The following DHX37 variants were observed in gnomAD, a reference collection of about 807,000 sequenced individuals.
DHX37 encodes the protein DEAH-box helicase 37.
DHX37 carries 52 observed loss-of-function variants against 134.3 expected under a neutral mutation model. The observed-to-expected ratio is 0.39, with a 90% CI of 0.31 to 0.49. The LOEUF is 0.49. Ranked by LOEUF, DHX37 falls within the 20% of genes least tolerant of loss-of-function variation. The probability of loss-of-function intolerance (pLI) is 0.93; values close to 1 mark genes in which losing one functional copy is unlikely to be tolerated. For missense variants in DHX37, 1,344 were observed against 1,580.8 expected (o/e 0.85, Z 2.54); for synonymous variants, 634 against 670.7 (o/e 0.95, Z 0.85).
intron 18 of DHX37, among the ~76,000 whole-genome samples, chr12:124,954,818 A>G (rs1954059483): frequency 6.6e-6 from 1 of 152,218 alleles, no homozygotes; most frequent in African/African-American, 2.4e-5. Context: ...AACACTTAAC[A>G]TATGTGTCAG....
At chr12:124,968,393 C>T in intron 10 of DHX37, 141 bp downstream of exon 10, 1 of 1,399,582 alleles carries the variant, frequency 7.1e-7, no homozygotes. Flanking sequence ...CATGAACACT[C>T]TGGAATAAGT....
intron 18 of DHX37, among the ~76,000 whole-genome samples, chr12:124,955,476 G>A (rs1035266825): frequency 1.1e-4 from 17 of 152,190 alleles, no homozygotes; most frequent in African/African-American, 3.9e-4. Context: ...CACCATGCCC[G>A]CTTTTTGATT....
chr12:124,952,331 G>A, intron 21 of DHX37, 67 bp downstream of exon 21: 3 of 1,489,344 alleles, frequency 2.0e-6, no homozygotes, highest in Admixed American at 2.1e-5. Context: ...GACCCTGAGG[G>A]CCCAGCCCGC....
chr12:124,967,349 C>T, intron 10 of DHX37, 131 bp from the exon 11 acceptor site: 1 of 978,400 alleles, frequency 1.0e-6, no homozygotes, highest in Non-Finnish European at 1.5e-6. Flanking sequence ...AGTACACAGA[C>T]ATAGATGAGC....
At chr12:124,988,289 T>C (rs1954913770) in intron 1 of DHX37, among the ~76,000 whole-genome samples, 1 of 152,142 alleles carries the variant, frequency 6.6e-6, no homozygotes. Flanking sequence ...CACTCAGGTC[T>C]CCTTCAGATC....
At chr12:124,978,870 TG>T (rs1954699895) in intron 4 of DHX37, among the ~76,000 whole-genome samples, 1 of 151,306 alleles carries the variant, frequency 6.6e-6, no homozygotes, top group South Asian at 2.1e-4. Flanking sequence ...AGGTAGAGGC[TG>T]CAGTGAACTG....
Position 124,968,607 on chromosome 12 carries a change from C to T in DHX37, c.1335G>A (p.Lys445=). 6.2e-7 allele frequency: 1 copy of T among 1,614,156 alleles called. No individual in the cohort carries two copies. Among genetic ancestry groups the T allele is most frequent in the South Asian group, 1.1e-5 (1 of 91,088 alleles). Residue 445 remains lysine, a synonymous_variant, in exon 10 of 27, where the codon AAG becomes AAA. Coordinates refer to ENST00000308736, the MANE Select transcript of DHX37 (RefSeq NM_032656.4). ...CACTGTAGTCTTCCAGCGGTGTCCG[C>T]TTGTTGAAATGCACAGTCACTGGGA... ...RQFPVTVHFN[K]RTPLEDYSGE...
Position 124,967,214 on chromosome 12 carries a change from G to A in DHX37, c.1413C>T (p.Gly471=). ...CCTGCCCCGTCAGGAACACCAGGATGCCACCTGTGGAAAGAATGGGCCCCT... is the reference window on the plus strand; with the variant it reads ...CCTGCCCCGTCAGGAACACCAGGATACCACCTGTGGAAAGAATGGGCCCCT... ...CKIHRMLPAG[G]ILVFLTGQAE... is the part of the protein sequence containing the mutation. The change falls in exon 11 of 27, where the codon GGC becomes GGT. Residue 471 remains glycine, a synonymous_variant. Coordinates refer to ENST00000308736, the MANE Select transcript of DHX37 (RefSeq NM_032656.4). The A allele has an allele frequency of 3.1e-6, 5 of 1,613,712 alleles. No individual in the cohort carries two copies. The highest frequency in any genetic ancestry group is 3.4e-6 in the Non-Finnish European group (4 of 1,179,954).
chr12:124,989,131 T>C lies in DHX37; in HGVS notation c.-109A>G. 1 of 654,368 alleles carries C rather than the reference T, an allele frequency of 1.5e-6. No individual in the cohort carries two copies. The highest frequency in any genetic ancestry group is 2.2e-6 in the Non-Finnish European group (1 of 455,280). The allele number at this position is 654,368 out of a possible 1,614,324, so 40.5% of individuals were successfully genotyped here. A position where few individuals can be genotyped will look rare whatever the true frequency, so the allele number is the denominator to read the frequency against. On this transcript the variant is annotated 5_prime_UTR_variant, in exon 1 of 27. Transcript: ENST00000308736. Reference sequence around the variant, plus strand: ...AACTCCGGCCGTGAGACTTCCGGGTTGTGTTATCGCGAGAACTGTAACTGA... The same window carrying C: ...AACTCCGGCCGTGAGACTTCCGGGTCGTGTTATCGCGAGAACTGTAACTGA...
intron 9 of DHX37, 34 bp from the exon 10 acceptor site, chr12:124,968,682 G>C: frequency 1.2e-6 from 2 of 1,613,576 alleles, no homozygotes; most frequent in Non-Finnish European, 1.7e-6. Flanking sequence ...GGGGAGTGGG[G>C]GGGACACGAG....
chr12:124,967,010 G>A, intron 11 of DHX37, 113 bp downstream of exon 11: 1 of 1,531,744 alleles, frequency 6.5e-7, no homozygotes, highest in Middle Eastern at 1.8e-4. Flanking sequence ...GGATGGCAAA[G>A]GTGCTGATGC....
chr12:124,969,894 C>T (rs1954479102), intron 8 of DHX37, among the ~76,000 whole-genome samples: 1 of 149,434 alleles, frequency 6.7e-6, no homozygotes, highest in Non-Finnish European at 1.5e-5. Context: ...GCACTCCAGC[C>T]TCAGTGACAA....
intron 6 of DHX37, among the ~76,000 whole-genome samples, chr12:124,973,645 T>TA (rs1954567143): frequency 2.1e-5 from 3 of 144,800 alleles, no homozygotes; most frequent in African/African-American, 7.7e-5. Context: ...ACGCTTTTTT[T>TA]TTTTTTTTTT....
rs1430868801 is a variant in DHX37 at position 124,966,816 on chromosome 12, T to C, written c.1567A>G (p.Arg523Gly). Residue 523 changes from arginine (R) to glycine (G), a missense_variant, in exon 12 of 27, where the codon AGG (arginine) becomes GGG (glycine). Arg to Gly is a moderately radical substitution (Grantham distance 125). Coordinates refer to ENST00000308736, the MANE Select transcript of DHX37 (RefSeq NM_032656.4). ...EMRKFKKSRA[R>G]AKKARAEVLP... ...ACCTCAGCCCGCGCCTTCTTGGCCCTGGCCCTTGACTTCTTAAACTTCCGC... is the reference window on the plus strand; with the variant it reads ...ACCTCAGCCCGCGCCTTCTTGGCCCCGGCCCTTGACTTCTTAAACTTCCGC... The C allele has an allele frequency of 6.2e-7, 1 of 1,614,216 alleles. No homozygotes were observed. The highest frequency in any genetic ancestry group is 8.5e-7 in the Non-Finnish European group (1 of 1,180,022).
chr12:124,977,461 G>T lies in DHX37; in HGVS notation c.768C>A (p.Ser256=). The change falls in exon 5 of 27, where the codon TCC becomes TCA. Residue 256 remains serine, a synonymous_variant. Transcript: ENST00000308736. ...CAGCCTCCATGATTACTTGTTCTTC[G>T]GAGAGAATTGGGAGCTTCAGCCGTT... ...QEERLKLPIL[S]EEQVIMEAVA... is the part of the protein sequence containing the mutation. 1 of 1,609,496 alleles carries T rather than the reference G, an allele frequency of 6.2e-7. No homozygotes were observed.
chr12:124,969,040 G>A, intron 8 of DHX37, 72 bp from the exon 9 acceptor site: 1 of 1,455,694 alleles, frequency 6.9e-7, no homozygotes. Flanking sequence ...AAATCGGCAT[G>A]GGGGTGCCCT....
At chr12:124,988,396 T>C (rs1320937285) in intron 1 of DHX37, among the ~76,000 whole-genome samples, 3 of 152,118 alleles carry the variant, frequency 2.0e-5, no homozygotes, top group Non-Finnish European at 4.4e-5. Context: ...TATAGCCGCA[T>C]AAATTTCTAT....
chr12:124,949,194 C>G lies in DHX37; in HGVS notation c.3290+792G>C, dbSNP rs1426019447. Among the ~76,000 whole-genome samples the G allele has an allele frequency of 1.3e-5, 2 of 152,164 alleles. No individual in the cohort carries two copies. Among genetic ancestry groups the G allele is most frequent in the Non-Finnish European group, 2.9e-5 (2 of 68,034 alleles). On this transcript the variant is annotated intron_variant, in intron 25 of 26. Transcript: ENST00000308736. The surrounding 1 kb of genome is among the most constrained non-coding windows in gnomAD (Gnocchi z 4.0). ...CCCGAGAACATGCCTGGGACAGGGC[C>G]ACACTGGAAAACGTGAGCTGAGTGA...
chr12:124,952,208 T>C (rs1042748954), intron 21 of DHX37, among the ~76,000 whole-genome samples, 190 bp downstream of exon 21: 2 of 151,982 alleles, frequency 1.3e-5, no homozygotes. Context: ...TCCACTAAAC[T>C]GTTATTAAAA....
Sources: gnomAD v4.1 joint callset for allele counts (sites outside exome capture counted in the v4.1 genomes callset) on GRCh38, gnomAD v4.1.1 for gene constraint, Gnocchi (gnomAD v3.1) non-coding constraint, MANE v1.5 for transcripts, NCBI Gene and HGNC (gene_info 2026-07-23, HGNC 2026-07-21) for gene names.